Variants in BDP1 observed in about 807,000 individuals in gnomAD.
BDP1 encodes the protein BDP1 general transcription factor IIIB subunit, also known as transcription factor TFIIIB component B'' homolog.
Under a neutral mutation model 266.6 loss-of-function variants are expected in BDP1, and 169 were observed. That is an observed-to-expected ratio of 0.63 (90% CI 0.56 to 0.72). The LOEUF is 0.72. Ranked by LOEUF, BDP1 falls within the 30% of genes least tolerant of loss-of-function variation. The pLI is 0.00. For missense variants in BDP1, 3,015 were observed against 3,053.8 expected, an observed-to-expected ratio of 0.99 and a Z score of 0.30; for synonymous variants, 1,090 against 1,022.4, an observed-to-expected ratio of 1.07 and a Z score of -1.26.
In BDP1 at chr5:71,470,406, T is replaced by G; in HGVS notation, c.931T>G (p.Phe311Val). The change falls in exon 7 of 39, where the codon TTT (phenylalanine) becomes GTT (valine). Residue 311 changes from phenylalanine (F) to valine (V), a missense_variant. By Grantham distance (50) the Phe-to-Val change is conservative. Transcript: ENST00000358731. Reference sequence around the variant, plus strand: ...TTTTATTTTCACAGAAACAGATATGTTTTTTTTAGCCATCAGCATGGTAGG... The same window carrying G: ...TTTTATTTTCACAGAAACAGATATGGTTTTTTTAGCCATCAGCATGGTAGG... ...KPWSNKETDM[F>V]FLAISMVGTD... The G allele has an allele frequency of 6.3e-7, 1 of 1,578,026 alleles. No homozygotes were observed. The highest frequency in any genetic ancestry group is 2.3e-5 in the East Asian group (1 of 44,396).
intron 13 of BDP1, among the ~76,000 whole-genome samples, chr5:71,500,407 C>T (rs1443217767): frequency 1.3e-5 from 2 of 149,828 alleles, no homozygotes; most frequent in Admixed American, 6.6e-5. Context: ...TCACAGCAAC[C>T]TCCGCCTCCT....
chr5:71,504,374 A>G (rs1025621412), intron 15 of BDP1, among the ~76,000 whole-genome samples: 3 of 152,202 alleles, frequency 2.0e-5, no homozygotes, highest in East Asian at 1.9e-4. Flanking sequence ...TTTCTAACAG[A>G]TGAAACCAAG....
rs535217365 is a variant in BDP1 at position 71,566,436 on chromosome 5, T to C, written c.*1551T>C. 1 of 152,304 alleles carries C rather than the reference T, an allele frequency of 6.6e-6. No individual in the cohort carries two copies. The highest frequency in any genetic ancestry group is 2.1e-4 in the South Asian group (1 of 4,820). 9.4% of individuals were successfully genotyped at this position (152,304 alleles called of 1,614,324 possible). A position where few individuals can be genotyped will look rare whatever the true frequency, so the allele number is the denominator to read the frequency against. On this transcript the variant is annotated 3_prime_UTR_variant, in exon 39 of 39. Coordinates refer to ENST00000358731, the MANE Select transcript of BDP1 (RefSeq NM_018429.3). ...ATTTCAAGATTTGATTTTTTATACG[T>C]GTAATTCTATTATCTACCCAAGCAG...
intron 6 of BDP1, 67 bp downstream of exon 6, chr5:71,467,554 A>G: frequency 7.4e-7 from 1 of 1,354,612 alleles, no homozygotes; most frequent in Non-Finnish European, 1.0e-6. Flanking sequence ...TTCTGAATTA[A>G]ATCAGTTCTC....
Position 71,495,415 on chromosome 5 carries a change from A to G in BDP1, c.1799+7A>G. 2 of 1,540,348 alleles carry G rather than the reference A, an allele frequency of 1.3e-6. No homozygotes were observed. Among genetic ancestry groups the G allele is most frequent in the Non-Finnish European group, 1.8e-6 (2 of 1,132,742 alleles). Reference sequence around the variant, plus strand: ...ACCTAAAAAATAATTCACTGTAAGTATTTTATACGATAGGATTTATTTATA... The same window carrying G: ...ACCTAAAAAATAATTCACTGTAAGTGTTTTATACGATAGGATTTATTTATA... On this transcript the variant is annotated splice_region_variant and intron_variant, in intron 12 of 38. Transcript: ENST00000358731.
At chr5:71,523,683 A>G (rs1210125586) in intron 24 of BDP1, among the ~76,000 whole-genome samples, 1 of 152,162 alleles carries the variant, frequency 6.6e-6, no homozygotes, top group East Asian at 1.9e-4. Context: ...CTTCACTTTC[A>G]TATTACAGGA....
At chr5:71,555,117 G>T (rs889699051) in intron 35 of BDP1, among the ~76,000 whole-genome samples, 3 of 152,152 alleles carry the variant, frequency 2.0e-5, no homozygotes, top group Non-Finnish European at 1.5e-5. Flanking sequence ...GTCTTTTTGT[G>T]TATGGCTTCT....
intron 7 of BDP1, among the ~76,000 whole-genome samples, chr5:71,474,573 C>T (rs1361425140): frequency 6.6e-6 from 1 of 151,786 alleles, no homozygotes; most frequent in Non-Finnish European, 1.5e-5. Context: ...GTTGGCCAGG[C>T]GTGGTGACTC....
Position 71,547,284 on chromosome 5 carries a change from C to T in BDP1, c.6745-1398C>T, listed in dbSNP as rs578022216. ...CTTTTTGTTCACAAAAGAGAAAAAG[C>T]AAGAGAAGTTTAGACCAGTCTAGGC... On this transcript the variant is annotated intron_variant, in intron 32 of 38. Coordinates refer to ENST00000358731, the MANE Select transcript of BDP1 (RefSeq NM_018429.3). Among the ~76,000 whole-genome samples, 7 of 152,036 alleles carry T rather than the reference C, an allele frequency of 4.6e-5. No homozygotes were observed. In the South Asian group the frequency reaches 1.2e-3, roughly 27 times the overall value.
At chr5:71,464,168 G>A in intron 4 of BDP1, 51 bp downstream of exon 4, 1 of 1,114,024 alleles carries the variant, frequency 9.0e-7, no homozygotes, top group Non-Finnish European at 1.3e-6. Context: ...TTTAAGAAAT[G>A]AGATCAAATG....
intron 16 of BDP1, among the ~76,000 whole-genome samples, chr5:71,509,142 C>T (rs1764750795): frequency 6.6e-6 from 1 of 152,128 alleles, no homozygotes; most frequent in African/African-American, 2.4e-5. Flanking sequence ...AGCTCCAATG[C>T]AGAGAACTGG....
intron 1 of BDP1, among the ~76,000 whole-genome samples, chr5:71,457,881 A>G (rs1436967352): frequency 2.6e-5 from 4 of 152,174 alleles, no homozygotes; most frequent in Non-Finnish European, 5.9e-5. Context: ...CTTAAGTTGC[A>G]TTTATAGACC....
chr5:71,565,967 C>A lies in BDP1; in HGVS notation c.*1082C>A, dbSNP rs765730317. On this transcript the variant is annotated 3_prime_UTR_variant, in exon 39 of 39. Transcript: ENST00000358731. ...ATATTCAGTTTTAGCTATTTTTACC[C>A]CTCAGATTGTAGATAAAGAAGGCAT... 2 of 201,538 alleles carry A rather than the reference C, an allele frequency of 9.9e-6. No homozygotes were observed. The highest frequency in any genetic ancestry group is 2.2e-5 in the Non-Finnish European group (2 of 91,914). The allele number at this position is 201,538 out of a possible 1,614,324, so 12.5% of individuals were successfully genotyped here.
intron 28 of BDP1, among the ~76,000 whole-genome samples, chr5:71,540,177 A>C (rs1281522535): frequency 6.6e-6 from 1 of 152,326 alleles, no homozygotes; most frequent in Non-Finnish European, 1.5e-5. Context: ...AATCACAGAC[A>C]AGTGATAAAT....
intron 37 of BDP1, among the ~76,000 whole-genome samples, chr5:71,561,599 A>T (rs1342149411): frequency 6.6e-6 from 1 of 152,198 alleles, no homozygotes; most frequent in Non-Finnish European, 1.5e-5. Flanking sequence ...GACCATATGT[A>T]AACAGATGAA....
chr5:71,503,078 A>AG (rs1363893710), intron 15 of BDP1, among the ~76,000 whole-genome samples: 1 of 151,992 alleles, frequency 6.6e-6, no homozygotes, highest in African/African-American at 2.4e-5. Flanking sequence ...AAAAAAAAAA[A>AG]AAAATTCACA....
intron 4 of BDP1, among the ~76,000 whole-genome samples, chr5:71,464,624 C>T (rs1430537880): frequency 6.6e-6 from 1 of 151,498 alleles, no homozygotes; most frequent in Non-Finnish European, 1.5e-5. Context: ...TCACTGCAGC[C>T]TTGACCTCCT....
chr5:71,575,930 T>A, the BDP1 span, among the ~76,000 whole-genome samples: 1 of 152,208 alleles, frequency 6.6e-6, no homozygotes, highest in Admixed American at 6.5e-5. Context: ...AAGCTCTTGT[T>A]AATTGGAATC....
chr5:71,552,110 G>T (rs1318629128), intron 34 of BDP1, among the ~76,000 whole-genome samples: 2 of 149,886 alleles, frequency 1.3e-5, no homozygotes, highest in African/African-American at 4.9e-5. Context: ...AGACGGGGCG[G>T]CTGCCGGGCG....
Sources: gnomAD v4.1 joint callset for allele counts (sites outside exome capture counted in the v4.1 genomes callset) on GRCh38, gnomAD v4.1.1 for gene constraint, MANE v1.5 for transcripts, NCBI Gene and HGNC (gene_info 2026-07-23, HGNC 2026-07-21) for gene names.